DOCK1: variants seen among roughly 807,000 people sequenced by gnomAD.
DOCK1 encodes dedicator of cytokinesis protein 1.
Under a neutral mutation model 262.7 loss-of-function variants are expected in DOCK1, and 138 were observed. That is an observed-to-expected ratio of 0.53 (90% CI 0.46 to 0.61). The LOEUF is 0.61. Among genes scored for constraint, DOCK1 ranks in the 20% least tolerant of loss-of-function variants. The probability of loss-of-function intolerance (pLI) is 0.00; values close to 1 mark genes in which losing one functional copy is unlikely to be tolerated. For missense variants in DOCK1, 1,908 were observed against 2,370.7 expected (o/e 0.80, Z 4.05); for synonymous variants, 866 against 867.4 (o/e 1.00, Z 0.03).
chr10:126,905,778 C>T lies in DOCK1; in HGVS notation c.46+215C>T, dbSNP rs186228222. 6.0e-3 allele frequency among the ~76,000 whole-genome samples: 832 copies of T among 139,404 alleles called. 10 individuals carry two copies. Among genetic ancestry groups the T allele is most frequent in the African/African-American group, 0.02 (787 of 39,102 alleles). The allele number at this position is 139,404 out of a possible 152,430, so 91.5% of individuals were successfully genotyped here. On this transcript the variant is annotated intron_variant, in intron 1 of 51. Coordinates refer to ENST00000623213, the MANE Select transcript of DOCK1 (RefSeq NM_001290223.2). ...CAGCTCCAGCCCCGGGGATGCGGGT[C>T]GGGAACACGAGGGGGTGGGGTGGGA...
intron 30 of DOCK1, among the ~76,000 whole-genome samples, chr10:127,339,752 A>AT (rs2063354251): frequency 8.5e-6 from 1 of 117,764 alleles, no homozygotes; most frequent in Non-Finnish European, 1.7e-5. Context: ...GTAAGGATTG[A>AT]TTTTGCCTGG....
At chr10:127,252,585 A>G (rs999439441) in intron 28 of DOCK1, among the ~76,000 whole-genome samples, 19 of 150,672 alleles carry the variant, frequency 1.3e-4, no homozygotes, top group African/African-American at 4.1e-4. Context: ...GAAGGGTTCC[A>G]GTTTCAGCTT....
chr10:127,002,878 G>C, intron 10 of DOCK1, among the ~76,000 whole-genome samples: 1 of 152,114 alleles, frequency 6.6e-6, no homozygotes, highest in East Asian at 1.9e-4. Context: ...CACTGATATC[G>C]GGGCTTCTGA....
Position 127,106,433 on chromosome 10 carries a change from A to G in DOCK1, c.2516+132A>G, listed in dbSNP as rs1592049940. 3.3e-6 allele frequency: 3 copies of G among 902,680 alleles called. 1 individual carries two copies. In the East Asian group the frequency reaches 8.3e-5, roughly 25 times the overall value. 55.9% of individuals were successfully genotyped at this position (902,680 alleles called of 1,614,324 possible). Reference sequence around the variant, plus strand: ...TCAGTGCCCTGGATCATTCTGGAACATGTGTTGCTGGTGGTGTCTGTGACT... The same window carrying G: ...TCAGTGCCCTGGATCATTCTGGAACGTGTGTTGCTGGTGGTGTCTGTGACT... On this transcript the variant is annotated intron_variant, in intron 24 of 51. Coordinates refer to ENST00000623213, the MANE Select transcript of DOCK1 (RefSeq NM_001290223.2).
intron 27 of DOCK1, among the ~76,000 whole-genome samples, chr10:127,212,498 G>A (rs1017019355): frequency 1.3e-5 from 2 of 152,100 alleles, no homozygotes; most frequent in African/African-American, 2.4e-5. Context: ...CAGCGGGCAG[G>A]TGCGAACGGT....
chr10:127,444,122 G>T lies in DOCK1; in HGVS notation c.5260-4G>T. The T allele has an allele frequency of 6.4e-7, 1 of 1,555,558 alleles. No homozygotes were observed. The highest frequency in any genetic ancestry group is 8.7e-7 in the Non-Finnish European group (1 of 1,149,510). On this transcript the variant is annotated splice_polypyrimidine_tract_variant and splice_region_variant and intron_variant, in intron 49 of 51. Transcript: ENST00000623213. ...ACTGTGCTCTTTCTGTCCTTTTGAT[G>T]TAGATAAGTCCCCTGCGGCCCCAGA... is the stretch of plus-strand genomic sequence containing the variant.
chr10:127,378,309 CA>C (rs1255813427), intron 35 of DOCK1, among the ~76,000 whole-genome samples: 1 of 152,150 alleles, frequency 6.6e-6, no homozygotes, highest in Non-Finnish European at 1.5e-5. Context: ...TCTAAAAGAT[CA>C]ATGCCTAGCG....
At chr10:127,223,415 A>T (rs117762443) in intron 27 of DOCK1, among the ~76,000 whole-genome samples, 1,963 of 152,278 alleles carry the variant, frequency 0.013, 34 homozygotes, top group South Asian at 0.096. Context: ...CTACTTACTT[A>T]GTAGAATGTT....
intron 19 of DOCK1, among the ~76,000 whole-genome samples, chr10:127,039,379 G>A (rs1378946937): frequency 6.6e-6 from 1 of 152,188 alleles, no homozygotes; most frequent in African/African-American, 2.4e-5. Context: ...GGAATGAGTT[G>A]TATTTCTGGC....
chr10:127,315,518 T>G (rs558220187), intron 29 of DOCK1, among the ~76,000 whole-genome samples: 1 of 151,950 alleles, frequency 6.6e-6, no homozygotes, highest in Admixed American at 6.6e-5. Flanking sequence ...AACCAACACA[T>G]CTCACACCTT....
At chr10:127,231,999 A>G (rs893709833) in intron 27 of DOCK1, among the ~76,000 whole-genome samples, 1 of 152,198 alleles carries the variant, frequency 6.6e-6, no homozygotes, top group African/African-American at 2.4e-5. Flanking sequence ...GTGAGGAGAG[A>G]CATAAACAAT....
intron 1 of DOCK1, among the ~76,000 whole-genome samples, chr10:126,941,527 C>T (rs899252436): frequency 0.049 from 7,460 of 152,220 alleles, 230 homozygotes; most frequent in Non-Finnish European, 0.072. Flanking sequence ...GAGGCCAAGG[C>T]GGGCGGATCA....
chr10:127,101,856 G>A (rs138786209), intron 23 of DOCK1, among the ~76,000 whole-genome samples: 1 of 152,200 alleles, frequency 6.6e-6, no homozygotes, highest in African/African-American at 2.4e-5. Context: ...CTGGGCGTTC[G>A]CAAGCGAAAC....
rs571674321 is a variant in DOCK1 at position 127,446,302 on chromosome 10, C to T, written c.5414-1092C>T. On this transcript the variant is annotated intron_variant, in intron 50 of 51. Transcript: ENST00000623213. The surrounding 1 kb of genome is among the most constrained non-coding windows in gnomAD (Gnocchi z 4.4). ...AAAGTAGAATAGAGGATACTAGGGG[C>T]GGGAGAGAGGAGTGGAGAGTTACTG... is the stretch of plus-strand genomic sequence containing the variant. Among the ~76,000 whole-genome samples the T allele has an allele frequency of 3.2e-4, 48 of 151,318 alleles. No individual in the cohort carries two copies. The highest frequency in any genetic ancestry group is 1.0e-3 in the African/African-American group (42 of 41,250).
chr10:127,190,378 T>C (rs1266698217), intron 27 of DOCK1, among the ~76,000 whole-genome samples: 1 of 152,210 alleles, frequency 6.6e-6, no homozygotes, highest in South Asian at 2.1e-4. Flanking sequence ...CAAGTGGAAA[T>C]GGAAGAAAAC....
chr10:127,032,062 A>C (rs1238669870), intron 17 of DOCK1, 75 bp from the exon 18 acceptor site: 1 of 1,517,010 alleles, frequency 6.6e-7, no homozygotes, highest in East Asian at 2.5e-5. Flanking sequence ...AGGATTAGGG[A>C]TAACAAAGGG....
intron 23 of DOCK1, among the ~76,000 whole-genome samples, chr10:127,097,074 C>T (rs976225293): frequency 5.9e-5 from 9 of 152,114 alleles, no homozygotes; most frequent in Non-Finnish European, 1.3e-4. Context: ...CATTACACTC[C>T]AGCCTGGGCA....
rs117505372 is a variant in DOCK1 at position 127,432,676 on chromosome 10, T to G, written c.4915-607T>G. On this transcript the variant is annotated intron_variant, in intron 47 of 51. Coordinates refer to ENST00000623213, the MANE Select transcript of DOCK1 (RefSeq NM_001290223.2). ...GGAAAAGTCCATCTAGAGATCTTTT[T>G]TTTGTTTGTTTTTGGCACAATGCAT... 2.5e-3 allele frequency among the ~76,000 whole-genome samples: 385 copies of G among 152,288 alleles called. 1 individual carries two copies. Among genetic ancestry groups the G allele is most frequent in the Non-Finnish European group, 4.0e-3 (274 of 68,018 alleles).
intron 40 of DOCK1, among the ~76,000 whole-genome samples, chr10:127,404,847 C>A (rs2067426759): frequency 6.6e-6 from 1 of 152,178 alleles, no homozygotes; most frequent in African/African-American, 2.4e-5. Context: ...AACACGAACT[C>A]CCCATTCTCC....
Sources: gnomAD v4.1 joint callset for allele counts (sites outside exome capture counted in the v4.1 genomes callset) on GRCh38, gnomAD v4.1.1 for gene constraint, Gnocchi (gnomAD v3.1) non-coding constraint, MANE v1.5 for transcripts, NCBI Gene and HGNC (gene_info 2026-07-23, HGNC 2026-07-21) for gene names.